The following CNTN4 variants were observed in gnomAD, a reference collection of about 807,000 sequenced individuals.
CNTN4 encodes contactin-4.
Under a neutral mutation model 122.5 loss-of-function variants are expected in CNTN4, and 77 were observed. The observed-to-expected ratio is 0.63, with a 90% CI of 0.52 to 0.76. The LOEUF (loss-of-function observed/expected upper bound fraction) is 0.76, where lower values mean the gene tolerates loss of function less well. Ranked by LOEUF, CNTN4 falls within the 30% of genes least tolerant of loss-of-function variation. CNTN4 has a pLI of 0.00. For synonymous variants in CNTN4, 512 were observed against 447.0 expected (o/e 1.15, Z -1.83); for missense variants, 1,256 against 1,259.1 (o/e 1.00, Z 0.04).
Position 2,469,693 on chromosome 3 carries a change from A to AC in CNTN4, c.-88-101722dup, listed in dbSNP as rs1383002654. Among the ~76,000 whole-genome samples, 4 of 152,342 alleles carry AC rather than the reference A, an allele frequency of 2.6e-5. No individual in the cohort carries two copies. In the East Asian group the frequency reaches 5.8e-4, roughly 22 times the overall value. On this transcript the variant is annotated intron_variant, in intron 3 of 24. Transcript: ENST00000418658. ...CACCTAGTTTATAGAAGCTAGAGGT[A>AC]CATTGTGTCAGTACAAAAACAGGCC...
chr3:2,458,244 T>A (rs1466677305), intron 3 of CNTN4, among the ~76,000 whole-genome samples: 1 of 152,172 alleles, frequency 6.6e-6, no homozygotes, highest in Non-Finnish European at 1.5e-5. Context: ...AACCAAATAG[T>A]AAAGTTACAA....
At chr3:3,053,360 T>G (rs1362698244) in intron 23 of CNTN4, among the ~76,000 whole-genome samples, 1 of 152,172 alleles carries the variant, frequency 6.6e-6, no homozygotes, top group Non-Finnish European at 1.5e-5. Context: ...GAAAACACAC[T>G]CCAGAAGACT....
rs187557234 is a variant in CNTN4 at position 2,444,149 on chromosome 3, C to G, written c.-89+104916C>G. ...TGAACAACTACTTTATACCAAGTCCCGTTACTTCAATGAATATAAATGGAT... is the reference window on the plus strand; with the variant it reads ...TGAACAACTACTTTATACCAAGTCCGGTTACTTCAATGAATATAAATGGAT... On this transcript the variant is annotated intron_variant, in intron 3 of 24. Transcript: ENST00000418658. Among the ~76,000 whole-genome samples the G allele has an allele frequency of 3.0e-3, 456 of 150,984 alleles. 4 individuals are homozygous for G. The highest frequency in any genetic ancestry group is 4.1e-3 in the Non-Finnish European group (281 of 67,928).
intron 3 of CNTN4, among the ~76,000 whole-genome samples, chr3:2,559,718 T>C (rs1022989864): frequency 6.6e-6 from 1 of 152,168 alleles, no homozygotes; most frequent in Non-Finnish European, 1.5e-5. Flanking sequence ...AATGATTTTA[T>C]ACCAAATAAG....
At chr3:2,309,198 C>CAAA in intron 2 of CNTN4, among the ~76,000 whole-genome samples, 1 of 152,014 alleles carries the variant, frequency 6.6e-6, no homozygotes, top group Non-Finnish European at 1.5e-5. Context: ...TGACCCTTTT[C>CAAA]TCATTATAAA....
chr3:3,016,244 T>C (rs1280176260), intron 14 of CNTN4, among the ~76,000 whole-genome samples: 3 of 152,198 alleles, frequency 2.0e-5, no homozygotes, highest in African/African-American at 7.2e-5. Context: ...TCCTTTCAGA[T>C]TGTCATTTCT....
intron 6 of CNTN4, among the ~76,000 whole-genome samples, chr3:2,813,304 T>C (rs9841434): frequency 0.27 from 41,407 of 152,092 alleles, 5,792 homozygotes; most frequent in African/African-American, 0.29. Context: ...TTGCGTCTTT[T>C]AAAAGGAAGC....
chr3:2,723,523 G>A (rs566094441), intron 4 of CNTN4, among the ~76,000 whole-genome samples: 4 of 152,260 alleles, frequency 2.6e-5, no homozygotes, highest in African/African-American at 7.2e-5. Context: ...CTGTTATTGC[G>A]TCCTCCAGAG....
At chr3:2,781,845 C>G (rs1261534306) in intron 6 of CNTN4, among the ~76,000 whole-genome samples, 1 of 133,266 alleles carries the variant, frequency 7.5e-6, no homozygotes, top group Non-Finnish European at 1.5e-5. Flanking sequence ...CTGCCTCAGC[C>G]TCCCGAGTAG....
chr3:2,634,447 A>T (rs11719214), intron 4 of CNTN4, among the ~76,000 whole-genome samples: 1 of 152,158 alleles, frequency 6.6e-6, no homozygotes, highest in Non-Finnish European at 1.5e-5. Flanking sequence ...CTGAAGAAGG[A>T]TATTACTTTT....
In CNTN4 at chr3:2,668,478, TAAG is replaced by T. The variant is rs1247199318; in HGVS notation, c.56-67736_56-67734del. ...ACTTTACTGAAGTTGCTTATCAACT[TAAG>T]GAGATTTTGGGCTGAGACAATGGGG... On this transcript the variant is annotated intron_variant, in intron 4 of 24. Coordinates refer to ENST00000418658, the MANE Select transcript of CNTN4 (RefSeq NM_175607.3). Among the ~76,000 whole-genome samples, 4 of 152,210 alleles carry T rather than the reference TAAG, an allele frequency of 2.6e-5. No homozygotes were observed. The East Asian group carries it at 7.7e-4, about 29-fold the overall frequency.
intron 7 of CNTN4, among the ~76,000 whole-genome samples, chr3:2,831,276 AATCAATGACAAACAAT>A (rs1219244766): frequency 6.6e-6 from 1 of 152,218 alleles, no homozygotes; most frequent in Non-Finnish European, 1.5e-5. Context: ...TCTGTATATT[AATCAATGACAAACAAT>A]ATGGATAAAA....
chr3:2,886,575 G>A (rs2093982167), intron 9 of CNTN4, among the ~76,000 whole-genome samples: 1 of 146,870 alleles, frequency 6.8e-6, no homozygotes, highest in Non-Finnish European at 1.5e-5. Context: ...GCAGTAGTGC[G>A]ATCTTGGCTC....
chr3:2,647,145 C>T (rs527677921), intron 4 of CNTN4, among the ~76,000 whole-genome samples: 1 of 152,172 alleles, frequency 6.6e-6, no homozygotes, highest in East Asian at 1.9e-4. Context: ...CTTTGGGAAG[C>T]CAGGGTGGGC....
At chr3:2,571,984 C>T (rs1436188442) in intron 4 of CNTN4, among the ~76,000 whole-genome samples, 2 of 152,196 alleles carry the variant, frequency 1.3e-5, no homozygotes. Context: ...TCTTCTGATA[C>T]TGACTCTCTT....
At chr3:3,002,802 C>T (rs1051934962) in intron 14 of CNTN4, among the ~76,000 whole-genome samples, 1 of 152,142 alleles carries the variant, frequency 6.6e-6, no homozygotes, top group East Asian at 1.9e-4. Context: ...AACTCAGGCA[C>T]CCCCAAAAAT....
chr3:2,303,027 C>G (rs924769073), intron 2 of CNTN4, among the ~76,000 whole-genome samples: 1 of 152,276 alleles, frequency 6.6e-6, no homozygotes, highest in Non-Finnish European at 1.5e-5. Context: ...TTGTCCTTCA[C>G]AGTTTACATA....
intron 5 of CNTN4, 80 bp downstream of exon 5, chr3:2,736,421 T>G (rs2149491547): frequency 9.8e-7 from 1 of 1,024,382 alleles, no homozygotes; most frequent in Non-Finnish European, 1.4e-6. Context: ...CAATGCTGGT[T>G]ACATAAAGAG....
chr3:2,354,083 CTTG>C (rs1398309563), intron 3 of CNTN4, among the ~76,000 whole-genome samples: 4 of 152,226 alleles, frequency 2.6e-5, no homozygotes, highest in African/African-American at 9.6e-5. Flanking sequence ...ATCTCTTCAT[CTTG>C]TTGATTAAAA....
Sources: allele counts gnomAD v4.1 joint callset (sites outside exome capture counted in the v4.1 genomes callset), GRCh38; gene constraint gnomAD v4.1.1; transcripts MANE v1.5; gene names NCBI Gene and HGNC (gene_info 2026-07-23, HGNC 2026-07-21).